FARS2: variants seen among roughly 807,000 people sequenced by gnomAD.
The protein encoded by FARS2 is phenylalanine--tRNA ligase, mitochondrial.
FARS2 carries 40 observed loss-of-function variants against 46.4 expected under a neutral mutation model. The observed-to-expected ratio is 0.86, with a 90% CI of 0.67 to 1.12. The LOEUF is 1.12. FARS2 is among the 50% of genes most tolerant of loss of function. FARS2 has a pLI of 0.00. For missense variants in FARS2, 513 were observed against 567.9 expected (o/e 0.90, Z 0.98); for synonymous variants, 234 against 214.9 (o/e 1.09, Z -0.78).
chr6:5,613,871 A>G (rs1481050309), intron 6 of FARS2, among the ~76,000 whole-genome samples: 1 of 152,188 alleles, frequency 6.6e-6, no homozygotes, highest in African/African-American at 2.4e-5. Context: ...TCATCAAAAA[A>G]CTAATTTCAT....
intron 4 of FARS2, among the ~76,000 whole-genome samples, chr6:5,529,178 G>A (rs1769660026): frequency 6.6e-6 from 1 of 152,180 alleles, no homozygotes; most frequent in Admixed American, 6.5e-5. Flanking sequence ...TAACAGAGTT[G>A]ATGTGGTAAT....
In FARS2 at chr6:5,605,372, C is replaced by A. The variant is rs146047857; in HGVS notation, c.1066-7797C>A. The stretch of plus-strand genomic sequence containing the variant: ...TCTGATCTAGAAGGGAGGCCCGAAT[C>A]ACTGCCTGCCCTAACCTCTAGCCTA... On this transcript the variant is annotated intron_variant, in intron 5 of 6. Coordinates refer to ENST00000274680, the MANE Select transcript of FARS2 (RefSeq NM_006567.5). Among the ~76,000 whole-genome samples, 380 of 152,304 alleles carry A rather than the reference C, an allele frequency of 2.5e-3. 2 individuals are homozygous for A. The highest frequency in any genetic ancestry group is 3.1e-3 in the Non-Finnish European group (208 of 68,020).
chr6:5,625,821 G>A (rs946927946), intron 6 of FARS2, among the ~76,000 whole-genome samples: 36 of 152,168 alleles, frequency 2.4e-4, no homozygotes, highest in African/African-American at 3.9e-4. Context: ...ATGGTGAGCC[G>A]CTGGCCAGGC....
At chr6:5,256,536 T>C (rs1581612001), upstream of FARS2, among the ~76,000 whole-genome samples, 4 of 126,972 alleles carry the variant, frequency 3.2e-5, no homozygotes, top group Admixed American at 2.5e-4. Flanking sequence ...AAAAAGAATG[T>C]GGTTCTTAAA....
chr6:5,562,688 T>TA (rs1772056697), intron 5 of FARS2, among the ~76,000 whole-genome samples: 1 of 108,406 alleles, frequency 9.2e-6, no homozygotes, highest in Non-Finnish European at 1.8e-5. Flanking sequence ...GACTCCACTG[T>TA]AATTTATACA....
At chr6:5,327,806 T>G (rs984174980) in intron 1 of FARS2, among the ~76,000 whole-genome samples, 1 of 152,130 alleles carries the variant, frequency 6.6e-6, no homozygotes, top group Non-Finnish European at 1.5e-5. Context: ...CTGGAGTGAG[T>G]AGTCTACCAC....
At chr6:5,279,093 T>C (rs1399757872) in intron 1 of FARS2, among the ~76,000 whole-genome samples, 1 of 152,112 alleles carries the variant, frequency 6.6e-6, no homozygotes, top group Non-Finnish European at 1.5e-5. Flanking sequence ...TAGAAAATCT[T>C]GAGGCCGGGC....
rs572867318 is a variant in FARS2 at position 5,606,879 on chromosome 6, T to C, written c.1066-6290T>C. Among the ~76,000 whole-genome samples, 40 of 152,268 alleles carry C rather than the reference T, an allele frequency of 2.6e-4. No individual in the cohort carries two copies. The East Asian group carries it at 6.9e-3, about 26-fold the overall frequency. Reference sequence around the variant, plus strand: ...TTAGCCCAGTCTTTTAAAGGGGCTATTAGTAAACCTGCCCAGTCTTTGTCC... The same window carrying C: ...TTAGCCCAGTCTTTTAAAGGGGCTACTAGTAAACCTGCCCAGTCTTTGTCC... On this transcript the variant is annotated intron_variant, in intron 5 of 6. Transcript: ENST00000274680.
intron 1 of FARS2, among the ~76,000 whole-genome samples, chr6:5,330,502 C>T (rs1770725798): frequency 6.6e-6 from 1 of 152,066 alleles, no homozygotes; most frequent in Non-Finnish European, 1.5e-5. Flanking sequence ...TTGCCTCCTA[C>T]ATGGTATGAT....
intron 5 of FARS2, among the ~76,000 whole-genome samples, chr6:5,549,755 G>C (rs1771261824): frequency 6.6e-6 from 1 of 152,130 alleles, no homozygotes. Flanking sequence ...AGGTTACAGG[G>C]ATTAGGACGT....
chr6:5,408,331 G>A (rs1421125850), intron 3 of FARS2, among the ~76,000 whole-genome samples: 1 of 152,186 alleles, frequency 6.6e-6, no homozygotes, highest in Non-Finnish European at 1.5e-5. Context: ...GAAAGGATAA[G>A]CAAGGTGGGG....
At chr6:5,546,115 C>T (rs749394710) in intron 5 of FARS2, among the ~76,000 whole-genome samples, 21 of 151,842 alleles carry the variant, frequency 1.4e-4, no homozygotes, top group African/African-American at 2.7e-4. Context: ...GCAAAAATAG[C>T]GAAACTCTGT....
chr6:5,618,257 A>G (rs1207311015), intron 6 of FARS2, among the ~76,000 whole-genome samples: 1 of 152,056 alleles, frequency 6.6e-6, no homozygotes, highest in Non-Finnish European at 1.5e-5. Flanking sequence ...CTACTGGGAG[A>G]TCATCCTTCC....
intron 1 of FARS2, among the ~76,000 whole-genome samples, chr6:5,278,680 A>G (rs1766507322): frequency 6.6e-6 from 1 of 152,184 alleles, no homozygotes; most frequent in South Asian, 2.1e-4. Flanking sequence ...GCTAAAAAAG[A>G]AACCCATCAA....
intron 4 of FARS2, among the ~76,000 whole-genome samples, chr6:5,537,041 T>C (rs1170163075): frequency 3.9e-5 from 6 of 152,154 alleles, no homozygotes; most frequent in Non-Finnish European, 2.9e-5. Context: ...AAAGGTACCC[T>C]TTTTTTCTGT....
At chr6:5,661,265 T>A (rs1777841309) in intron 6 of FARS2, among the ~76,000 whole-genome samples, 1 of 152,226 alleles carries the variant, frequency 6.6e-6, no homozygotes, top group Non-Finnish European at 1.5e-5. Context: ...TTTGAACACG[T>A]TTGCCTTGAG....
intron 6 of FARS2, among the ~76,000 whole-genome samples, chr6:5,701,369 A>G (rs773633974): frequency 1.3e-5 from 2 of 152,232 alleles, no homozygotes; most frequent in Non-Finnish European, 2.9e-5. Context: ...TTGTCTGTGC[A>G]CAGTCTGGAG....
intron 4 of FARS2, among the ~76,000 whole-genome samples, chr6:5,502,482 G>A (rs534880769): frequency 1.3e-5 from 2 of 152,228 alleles, no homozygotes; most frequent in South Asian, 2.1e-4. Flanking sequence ...TGGATTACTG[G>A]ATTTGTCAAG....
intron 4 of FARS2, among the ~76,000 whole-genome samples, chr6:5,531,748 G>A (rs1018718698): frequency 1.3e-5 from 2 of 152,170 alleles, no homozygotes; most frequent in Admixed American, 6.5e-5. Context: ...ATCCGGTGGC[G>A]AGTCTCCGAG....
Sources: allele counts gnomAD v4.1 joint callset (sites outside exome capture counted in the v4.1 genomes callset), GRCh38; gene constraint gnomAD v4.1.1; transcripts MANE v1.5; gene names NCBI Gene and HGNC (gene_info 2026-07-23, HGNC 2026-07-21).